ARID3A: variants seen among roughly 807,000 people sequenced by gnomAD.
ARID3A encodes AT-rich interactive domain-containing protein 3A.
In ARID3A, 11 loss-of-function variants were observed where a neutral mutation model predicts 52.7. The ratio of observed to expected loss-of-function variants is 0.21; its 90% CI spans 0.13 to 0.35. The LOEUF (loss-of-function observed/expected upper bound fraction) is 0.35, where lower values mean the gene tolerates loss of function less well. Ranked by LOEUF, ARID3A falls within the 10% of genes least tolerant of loss-of-function variation. The probability of loss-of-function intolerance (pLI) is 1.00; values close to 1 mark genes in which losing one functional copy is unlikely to be tolerated. For missense variants in ARID3A, 721 were observed against 838.5 expected (o/e 0.86, Z 1.73); for synonymous variants, 404 against 359.4 (o/e 1.12, Z -1.40).
rs759445593 is a variant in ARID3A, at chr19:964,931, G to A, written c.1049G>A (p.Arg350Gln). The change falls in exon 6 of 9, where the codon CGG becomes CAG. Residue 350 changes from arginine (R) to glutamine (Q), a missense_variant. Physicochemically the swap from Arg to Gln is conservative, Grantham distance 43 (BLOSUM62 1). Around this residue, in one of 5 missense-constraint regions of ARID3A, gnomAD observed 297 missense variants for 343.2 expected, o/e 0.87. Coordinates refer to ENST00000263620, the MANE Select transcript of ARID3A (RefSeq NM_005224.3). The surrounding 1 kb of genome is among the most constrained non-coding windows in gnomAD (Gnocchi z 5.7). Reference protein sequence around the residue: ...AAIDSNRREGRRQSFGGSLFA... With the variant: ...AAIDSNRREGQRQSFGGSLFA... The stretch of plus-strand genomic sequence containing the variant: ...ATAGACAGCAACCGACGGGAGGGCC[G>A]GCGCCAGAGCTTTGGTGGCTCCCTC... 1.2e-6 allele frequency: 2 copies of A among 1,613,940 alleles called. No homozygotes were observed. Among genetic ancestry groups the A allele is most frequent in the East Asian group, 2.2e-5 (1 of 44,880 alleles).
intron 3 of ARID3A, among the ~76,000 whole-genome samples, chr19:937,716 T>C (rs964362242): frequency 6.3e-5 from 9 of 142,920 alleles, no homozygotes; most frequent in Middle Eastern, 3.5e-3. Context: ...TTTTTTTTTT[T>C]TTTTTTTTGA....
At chr19:945,452 C>A (rs974039394) in intron 3 of ARID3A, among the ~76,000 whole-genome samples, 6 of 151,976 alleles carry the variant, frequency 3.9e-5, no homozygotes, top group Non-Finnish European at 7.4e-5. Flanking sequence ...CGGCCCCAGC[C>A]CACCTCCGTC....
chr19:964,820 G>C lies in ARID3A; in HGVS notation c.951-13G>C. On this transcript the variant is annotated splice_polypyrimidine_tract_variant and intron_variant, in intron 5 of 8. Transcript: ENST00000263620. This position sits in a 1 kb window ranked among gnomAD's most constrained non-coding sequence, Gnocchi z 5.7. ...GACCCGGGTGCCATCCTCTTCCCTC[G>C]TCCCACCCACAGATACATGAAGTAC... 6.2e-7 allele frequency: 1 copy of C among 1,608,104 alleles called. No homozygotes were observed. Among genetic ancestry groups the C allele is most frequent in the African/African-American group, 1.3e-5 (1 of 74,896 alleles).
At position 944,925 on chromosome 19, in the gene ARID3A, C is replaced by T. The variant is rs1205087194; in HGVS notation, c.693+12183C>T. Among the ~76,000 whole-genome samples the T allele has an allele frequency of 6.6e-6, 1 of 152,210 alleles. No homozygotes were observed. Among genetic ancestry groups the T allele is most frequent in the East Asian group, 1.9e-4 (1 of 5,198 alleles). On this transcript the variant is annotated intron_variant, in intron 3 of 8. Coordinates refer to ENST00000263620, the MANE Select transcript of ARID3A (RefSeq NM_005224.3). This position sits in a 1 kb window ranked among gnomAD's most constrained non-coding sequence, Gnocchi z 5.9. ...CCATCTCTTCTTTCTCCTCTCCCCT[C>T]TCCCTGTCTCTGCCACCCGCCCCGT...
intron 3 of ARID3A, among the ~76,000 whole-genome samples, chr19:956,147 T>C (rs1185504792): frequency 6.6e-6 from 1 of 152,138 alleles, no homozygotes; most frequent in African/African-American, 2.4e-5. Context: ...GATGTGAATT[T>C]GGGTGGGGGA....
rs916135334 is a variant in ARID3A, at chr19:932,640, G to A, written c.591G>A (p.Arg197=). 1.3e-6 allele frequency: 2 copies of A among 1,539,398 alleles called. No individual in the cohort carries two copies. Among genetic ancestry groups the A allele is most frequent in the Admixed American group, 4.1e-5 (2 of 49,048 alleles). ...CCAGGGTGCTGGGGGGCCAGGAGCG[G>A]CCGGGGCCTGGCCCTGCCCACCCCG... The part of the protein sequence containing the change: ...GVPRVLGGQE[R]PGPGPAHPGG... Residue 197 remains arginine, a synonymous_variant, in exon 3 of 9, where the codon CGG becomes CGA. Coordinates refer to ENST00000263620, the MANE Select transcript of ARID3A (RefSeq NM_005224.3).
intron 2 of ARID3A, among the ~76,000 whole-genome samples, chr19:930,699 C>T (rs969833826): frequency 1.1e-4 from 17 of 150,458 alleles, no homozygotes; most frequent in South Asian, 4.2e-4. Context: ...TTAGTAGAGA[C>T]GGGGTTTCAC....
chr19:967,767 G>C (rs960573594), intron 7 of ARID3A, among the ~76,000 whole-genome samples: 1 of 152,162 alleles, frequency 6.6e-6, no homozygotes, highest in Non-Finnish European at 1.5e-5. Flanking sequence ...AGTTTTGGTC[G>C]GGCGCGGTGG....
At chr19:945,443 G>A (rs962722166) in intron 3 of ARID3A, among the ~76,000 whole-genome samples, 1 of 151,798 alleles carries the variant, frequency 6.6e-6, no homozygotes, top group Non-Finnish European at 1.5e-5. Flanking sequence ...TGTCCAGGGC[G>A]GCCCCAGCCC....
intron 8 of ARID3A, among the ~76,000 whole-genome samples, chr19:970,357 G>A (rs774195686): frequency 2.0e-5 from 3 of 151,996 alleles, no homozygotes; most frequent in Non-Finnish European, 4.4e-5. Context: ...TTAAAAAAGT[G>A]GAGTCAGTGC....
rs955146708 is a variant in ARID3A at position 947,907 on chromosome 19, G to A, written c.694-12185G>A. Among the ~76,000 whole-genome samples the A allele has an allele frequency of 3.3e-5, 5 of 152,208 alleles. No individual in the cohort carries two copies. The highest frequency in any genetic ancestry group is 1.2e-4 in the African/African-American group (5 of 41,456). On this transcript the variant is annotated intron_variant, in intron 3 of 8. Transcript: ENST00000263620. This position sits in a 1 kb window ranked among gnomAD's most constrained non-coding sequence, Gnocchi z 6.3. ...TCAGCATCTGCATCCGCCGAGGCCT[G>A]GCTGTGCTGACGGGAATTGAAAGGA... is the stretch of plus-strand genomic sequence containing the variant.
chr19:945,403 C>T (rs550687292), intron 3 of ARID3A, among the ~76,000 whole-genome samples: 73 of 152,070 alleles, frequency 4.8e-4, no homozygotes, highest in African/African-American at 1.6e-3. Context: ...CCTGACCCAG[C>T]CCACCTCCGT....
Position 941,248 on chromosome 19 carries a change from G to A in ARID3A, c.693+8506G>A, listed in dbSNP as rs978844296. 3.9e-5 allele frequency among the ~76,000 whole-genome samples: 6 copies of A among 152,240 alleles called. No individual in the cohort carries two copies. Among genetic ancestry groups the A allele is most frequent in the East Asian group, 3.9e-4 (2 of 5,188 alleles). On this transcript the variant is annotated intron_variant, in intron 3 of 8. Coordinates refer to ENST00000263620, the MANE Select transcript of ARID3A (RefSeq NM_005224.3). The surrounding 1 kb of genome is among the most constrained non-coding windows in gnomAD (Gnocchi z 6.9). ...TGGTGAGCCGCCGTGGCGTGCGTGC[G>A]AGTGTGCACGCTGGGGCTGTGGCCG...
Position 966,756 on chromosome 19 carries a change from G to A in ARID3A, c.1383G>A (p.Lys461=), listed in dbSNP as rs762201884. Residue 461 remains lysine (K), a synonymous_variant, in exon 7 of 9, where the codon AAG becomes AAA. Transcript: ENST00000263620. Reference sequence around the variant, plus strand: ...TGGAGTCTGCAGAGCCTCCGGAGAAGAAGATGGCCCTGGTGGCCGATGAGC... The same window carrying A: ...TGGAGTCTGCAGAGCCTCCGGAGAAAAAGATGGCCCTGGTGGCCGATGAGC... The part of the protein sequence containing the change: ...EKLESAEPPE[K]KMALVADEQQ... 2 of 1,613,378 alleles carry A rather than the reference G, an allele frequency of 1.2e-6. No individual in the cohort carries two copies. Among genetic ancestry groups the A allele is most frequent in the East Asian group, 2.2e-5 (1 of 44,886 alleles).
chr19:951,322 C>T (rs1048042617), intron 3 of ARID3A, among the ~76,000 whole-genome samples: 7 of 150,948 alleles, frequency 4.6e-5, no homozygotes, highest in Non-Finnish European at 8.9e-5. Context: ...TTTGGGAGGC[C>T]GAGGCGGGCG....
At position 972,168 on chromosome 19, in the gene ARID3A, G is replaced by A; in HGVS notation, c.*103G>A. On this transcript the variant is annotated 3_prime_UTR_variant, in exon 9 of 9. Coordinates refer to ENST00000263620, the MANE Select transcript of ARID3A (RefSeq NM_005224.3). The stretch of plus-strand genomic sequence containing the variant: ...CAGGATGGCGGAAGATACGGGTGGG[G>A]AGGGAAGATATCCAGAAAGGAGCCA... 1.8e-6 allele frequency: 2 copies of A among 1,112,656 alleles called. No homozygotes were observed. Among genetic ancestry groups the A allele is most frequent in the Non-Finnish European group, 2.5e-6 (2 of 813,564 alleles). 68.9% of individuals were successfully genotyped at this position (1,112,656 alleles called of 1,614,324 possible).
chr19:975,702 T>G lies in ARID3A; in HGVS notation c.*3637T>G, dbSNP rs937964336. ...GCCGCGGCAGGGTGGCCTGTAACAA[T>G]TTCAGTTTTCGCAGAACATTCAGGT... On this transcript the variant is annotated 3_prime_UTR_variant, in exon 9 of 9. Coordinates refer to ENST00000263620, the MANE Select transcript of ARID3A (RefSeq NM_005224.3). 7 of 198,386 alleles carry G rather than the reference T, an allele frequency of 3.5e-5. No homozygotes were observed. The highest frequency in any genetic ancestry group is 1.2e-4 in the African/African-American group (5 of 41,180). 12.3% of individuals were successfully genotyped at this position (198,386 alleles called of 1,614,324 possible).
At chr19:948,969 A>G (rs1223264794) in intron 3 of ARID3A, among the ~76,000 whole-genome samples, 1 of 152,052 alleles carries the variant, frequency 6.6e-6, no homozygotes, top group Non-Finnish European at 1.5e-5. Context: ...TCGGCCTCCC[A>G]AAGTACTGGG....
chr19:932,550 G>C lies in ARID3A; in HGVS notation c.501G>C (p.Leu167Phe). Reference sequence around the variant, plus strand: ...TGGGCCCCCCAGGCCCTGCCAGCTTGGGCACCACGGCACTGTTCCCCCGAA... The same window carrying C: ...TGGGCCCCCCAGGCCCTGCCAGCTTCGGCACCACGGCACTGTTCCCCCGAA... ...EGLGPPGPASLGTTALFPRKA... is the reference protein window; with the variant it reads ...EGLGPPGPASFGTTALFPRKA... Residue 167 changes from leucine to phenylalanine, a missense_variant, in exon 3 of 9, where the codon TTG (leucine) becomes TTC (phenylalanine). Physicochemically the swap from Leu to Phe is conservative, Grantham distance 22. Transcript: ENST00000263620. The C allele has an allele frequency of 6.6e-7, 1 of 1,510,496 alleles. No homozygotes were observed. The highest frequency in any genetic ancestry group is 1.3e-5 in the South Asian group (1 of 79,104). 93.6% of individuals were successfully genotyped at this position (1,510,496 alleles called of 1,614,324 possible). A position where few individuals can be genotyped will look rare whatever the true frequency, so the allele number is the denominator to read the frequency against.
Sources: gnomAD v4.1 joint callset for allele counts (sites outside exome capture counted in the v4.1 genomes callset) on GRCh38, gnomAD v4.1.1 for gene constraint, gnomAD v4.1.1 regional missense constraint, Gnocchi (gnomAD v3.1) non-coding constraint, MANE v1.5 for transcripts, NCBI Gene and HGNC (gene_info 2026-07-23, HGNC 2026-07-21) for gene names.